Variants in GDPD4 observed in about 807,000 individuals in gnomAD.
GDPD4 encodes the protein glycerophosphodiester phosphodiesterase 6.
GDPD4 carries 60 observed loss-of-function variants against 67.8 expected under a neutral mutation model. The observed-to-expected ratio is 0.88, with a 90% confidence interval of 0.72 to 1.10. GDPD4 has a LOEUF of 1.10. Ranked by LOEUF, GDPD4 falls within the 50% of genes least tolerant of loss-of-function variation. The probability of loss-of-function intolerance (pLI) is 0.00; values close to 1 mark genes in which losing one functional copy is unlikely to be tolerated. For missense variants in GDPD4, 623 were observed against 613.9 expected (o/e 1.01, Z -0.16); for synonymous variants, 212 against 210.9 (o/e 1.00, Z -0.04).
Position 77,216,804 on chromosome 11 carries a change from G to C in GDPD4, c.*473C>G, listed in dbSNP as rs141948721. On this transcript the variant is annotated 3_prime_UTR_variant, in exon 17 of 17. Coordinates refer to ENST00000315938, the MANE Select transcript of GDPD4 (RefSeq NM_182833.3). ...CACCATCACCACCCTTAGGCAGAGA[G>C]AGGAAGAAGCAGGGGAGATGTGGCT... is the stretch of plus-strand genomic sequence containing the variant. 1 of 611,558 alleles carries C rather than the reference G, an allele frequency of 1.6e-6. No individual in the cohort carries two copies. The highest frequency in any genetic ancestry group is 1.8e-5 in the African/African-American group (1 of 54,174). The allele number at this position is 611,558 out of a possible 1,614,324, so 37.9% of individuals were successfully genotyped here. A position where few individuals can be genotyped will look rare whatever the true frequency, so the allele number is the denominator to read the frequency against.
At chr11:77,281,314 C>T (rs555448063) in intron 3 of GDPD4, among the ~76,000 whole-genome samples, 5 of 152,292 alleles carry the variant, frequency 3.3e-5, no homozygotes, top group African/African-American at 1.2e-4. Context: ...GCATCACCAA[C>T]TGTCAGCTGA....
At chr11:77,242,282 T>C (rs1214278949) in intron 13 of GDPD4, among the ~76,000 whole-genome samples, 1 of 152,198 alleles carries the variant, frequency 6.6e-6, no homozygotes, top group Non-Finnish European at 1.5e-5. Context: ...TATAAATATA[T>C]ACAGTTATGA....
At chr11:77,222,221 A>C (rs1408438521) in intron 16 of GDPD4, among the ~76,000 whole-genome samples, 1 of 152,154 alleles carries the variant, frequency 6.6e-6, no homozygotes, top group African/African-American at 2.4e-5. Context: ...GCCCATTTAC[A>C]TTTAAGGTTA....
chr11:77,235,009 G>GTGTTTTT (rs1413310722), intron 13 of GDPD4, among the ~76,000 whole-genome samples: 5 of 52,254 alleles, frequency 9.6e-5, no homozygotes, highest in African/African-American at 3.2e-4. Flanking sequence ...GTCAATATCT[G>GTGTTTTT]TTTTTTTTTT....
intron 15 of GDPD4, 33 bp from the exon 16 acceptor site, chr11:77,227,949 G>A: frequency 2.0e-6 from 3 of 1,470,408 alleles, no homozygotes; most frequent in Non-Finnish European, 2.9e-6. Context: ...TGAAATGAAG[G>A]GGTCTAAAGA....
At chr11:77,291,637 T>G (rs1161874030) in intron 1 of GDPD4, among the ~76,000 whole-genome samples, 1 of 152,240 alleles carries the variant, frequency 6.6e-6, no homozygotes, top group Non-Finnish European at 1.5e-5. Context: ...AATAAATAAG[T>G]ACAAACATTA....
intron 11 of GDPD4, among the ~76,000 whole-genome samples, chr11:77,248,846 C>T (rs183480311): frequency 0.016 from 2,432 of 151,094 alleles, 20 homozygotes; most frequent in African/African-American, 0.026. Context: ...CTCAGCCTCC[C>T]GAGTAGCTGG....
At chr11:77,298,570 A>G (rs1938056632) in intron 1 of GDPD4, among the ~76,000 whole-genome samples, 1 of 152,208 alleles carries the variant, frequency 6.6e-6, no homozygotes, top group Admixed American at 6.5e-5. Flanking sequence ...ATAGATAGAA[A>G]GGGAATGGTC....
intron 11 of GDPD4, among the ~76,000 whole-genome samples, chr11:77,257,879 G>C (rs1190669263): frequency 6.6e-6 from 1 of 152,136 alleles, no homozygotes; most frequent in South Asian, 2.1e-4. Flanking sequence ...GAAGCAACCT[G>C]AAATTAACTC....
chr11:77,222,205 C>T (rs995809767), intron 16 of GDPD4, among the ~76,000 whole-genome samples: 3 of 152,144 alleles, frequency 2.0e-5, no homozygotes, highest in Non-Finnish European at 4.4e-5. Context: ...TTAATTGGGG[C>T]ATTTAGCCCA....
rs749182440 is a variant in GDPD4 at position 77,243,729 on chromosome 11, A to C, written c.1206T>G (p.Asn402Lys). 6.2e-7 allele frequency: 1 copy of C among 1,607,902 alleles called. No individual in the cohort carries two copies. Among genetic ancestry groups the C allele is most frequent in the Non-Finnish European group, 8.5e-7 (1 of 1,176,068 alleles). Residue 402 changes from asparagine to lysine, a missense_variant, in exon 13 of 17, where the codon AAT becomes AAG. Transcript: ENST00000315938. Reference protein sequence around the residue: ...TLAKNNISIINVDYKKLFPNG... With the variant: ...TLAKNNISIIKVDYKKLFPNG... ...TAGGGAACAACTTCTTGTAGTCAACATTTATTATACTGATATTGTTTTTAG... is the reference window on the plus strand; with the variant it reads ...TAGGGAACAACTTCTTGTAGTCAACCTTTATTATACTGATATTGTTTTTAG...
intron 1 of GDPD4, among the ~76,000 whole-genome samples, chr11:77,298,867 G>A (rs1938068670): frequency 6.6e-6 from 1 of 151,952 alleles, no homozygotes; most frequent in Non-Finnish European, 1.5e-5. Context: ...TTATGCCAGA[G>A]TCAGGTTGGA....
At chr11:77,259,538 C>A (rs1959070756) in intron 10 of GDPD4, among the ~76,000 whole-genome samples, 2 of 145,526 alleles carry the variant, frequency 1.4e-5, no homozygotes, top group Admixed American at 7.0e-5. Context: ...CAAAAGGATG[C>A]ACAATATTAC....
In GDPD4 at chr11:77,298,682, T is replaced by C. The variant is rs571871837; in HGVS notation, c.-254+2923A>G. 7.2e-5 allele frequency among the ~76,000 whole-genome samples: 11 copies of C among 152,262 alleles called. No individual in the cohort carries two copies. In the East Asian group the frequency reaches 2.1e-3, roughly 29 times the overall value. ...AAATGTTTCCTATTCAGATCTTAGT[T>C]AATCTCTTTAGGATCGGAAGGGTCT... On this transcript the variant is annotated intron_variant, in intron 1 of 16. Transcript: ENST00000315938.
At chr11:77,243,021 CTT>C (rs1290104730) in intron 13 of GDPD4, among the ~76,000 whole-genome samples, 2 of 152,034 alleles carry the variant, frequency 1.3e-5, no homozygotes, top group African/African-American at 4.8e-5. Context: ...CCAAGGAAGA[CTT>C]TGTCTCTAAA....
chr11:77,228,669 T>A (rs569040460), intron 15 of GDPD4, among the ~76,000 whole-genome samples: 1 of 151,772 alleles, frequency 6.6e-6, no homozygotes, highest in Non-Finnish European at 1.5e-5. Context: ...GCCTGGGCAA[T>A]AGACTGAGAC....
intron 1 of GDPD4, among the ~76,000 whole-genome samples, chr11:77,297,408 T>C (rs1938010257): frequency 1.3e-5 from 2 of 151,058 alleles, no homozygotes; most frequent in Admixed American, 1.3e-4. Context: ...CGGTGGCTGG[T>C]GCCTGTAGTC....
chr11:77,248,722 TATTTTTA>T (rs1392935118), intron 11 of GDPD4, among the ~76,000 whole-genome samples: 2 of 151,856 alleles, frequency 1.3e-5, no homozygotes, highest in East Asian at 1.9e-4. Flanking sequence ...TTTATTTATT[TATTTTTA>T]ATTTTTATTT....
At chr11:77,267,264 C>T (rs1023409415) in intron 10 of GDPD4, among the ~76,000 whole-genome samples, 1 of 152,156 alleles carries the variant, frequency 6.6e-6, no homozygotes, top group Non-Finnish European at 1.5e-5. Context: ...GCTATGCCAT[C>T]TAGGTTTGTG....
Sources: gnomAD v4.1 joint callset for allele counts (sites outside exome capture counted in the v4.1 genomes callset) on GRCh38, gnomAD v4.1.1 for gene constraint, MANE v1.5 for transcripts, NCBI Gene and HGNC (gene_info 2026-07-23, HGNC 2026-07-21) for gene names.